Variants in PCDHA11 observed in about 807,000 individuals in gnomAD.
PCDHA11 encodes protocadherin alpha 11.
A neutral mutation model predicts 70.3 loss-of-function variants in PCDHA11; 61 were observed. The ratio of observed to expected loss-of-function variants is 0.87; its 90% CI spans 0.71 to 1.07. The LOEUF is 1.07. Ranked by LOEUF, PCDHA11 falls within the 50% of genes least tolerant of loss-of-function variation. The pLI is 0.00. For missense variants in PCDHA11, 1,324 were observed against 1,237.5 expected, an observed-to-expected ratio of 1.07 and a Z score of -1.05; for synonymous variants, 633 against 555.1, an observed-to-expected ratio of 1.14 and a Z score of -1.97.
rs372392810 is a variant in PCDHA11, at chr5:140,953,521, C to T, written c.2392-25428C>T. On this transcript the variant is annotated intron_variant, in intron 1 of 3. Coordinates refer to ENST00000398640, the MANE Select transcript of PCDHA11 (RefSeq NM_018902.5). Reference sequence around the variant, plus strand: ...AGCTATTAGGCCAAAGCAACAAAAACGGGAAACTCACTTCATGCTGATTCT... The same window carrying T: ...AGCTATTAGGCCAAAGCAACAAAAATGGGAAACTCACTTCATGCTGATTCT... 2.0e-5 allele frequency among the ~76,000 whole-genome samples: 3 copies of T among 152,230 alleles called. No individual in the cohort carries two copies. In the East Asian group the frequency reaches 5.8e-4, roughly 29 times the overall value.
Position 141,009,792 on chromosome 5 carries a change from C to T in PCDHA11, c.2705C>T (p.Pro902Leu). Residue 902 changes from proline (P) to leucine (L), a missense_variant, in exon 4 of 4, where the codon CCT (proline) becomes CTT (leucine). Physicochemically the swap from Pro to Leu is moderately conservative, Grantham distance 98. Transcript: ENST00000398640. ...GCAATCATCTCCATCCGGCAGGAGC[C>T]TACTAACAGCCAAATTGACAAAAGT... ...SPAIISIRQEPTNSQIDKSDF... is the reference protein window; with the variant it reads ...SPAIISIRQELTNSQIDKSDF... 1 of 1,614,068 alleles carries T rather than the reference C, an allele frequency of 6.2e-7. No individual in the cohort carries two copies. The highest frequency in any genetic ancestry group is 8.5e-7 in the Non-Finnish European group (1 of 1,180,026).
intron 1 of PCDHA11, chr5:140,884,401 G>T (rs781854362): frequency 3.1e-6 from 5 of 1,613,996 alleles, no homozygotes; most frequent in Non-Finnish European, 4.2e-6. Flanking sequence ...CCAGCCTGTT[G>T]GTGCTCACGT....
At position 140,978,933 on chromosome 5, in the gene PCDHA11, C is replaced by CT. The variant is rs1179085898; in HGVS notation, c.2392-13dup. The stretch of plus-strand genomic sequence containing the variant: ...TCTTGTCATTTTAACAGAAAACTCT[C>CT]TTTGTGATTTTGCAGCCACGACAGC... On this transcript the variant is annotated splice_polypyrimidine_tract_variant and intron_variant, in intron 1 of 3. Coordinates refer to ENST00000398640, the MANE Select transcript of PCDHA11 (RefSeq NM_018902.5). 8 of 1,613,976 alleles carry CT rather than the reference C, an allele frequency of 5.0e-6. No homozygotes were observed. The highest frequency in any genetic ancestry group is 1.7e-5 in the Admixed American group (1 of 59,984).
chr5:140,924,785 C>G (rs2082005933), intron 1 of PCDHA11, among the ~76,000 whole-genome samples: 1 of 151,704 alleles, frequency 6.6e-6, no homozygotes, highest in African/African-American at 2.4e-5. Context: ...GTCCTAGCTA[C>G]TTAGGAGGCT....
At chr5:140,915,840 G>C (rs1554197129) in intron 1 of PCDHA11, among the ~76,000 whole-genome samples, 1 of 152,142 alleles carries the variant, frequency 6.6e-6, no homozygotes, top group African/African-American at 2.4e-5. Context: ...AGATCAGCAG[G>C]GGGTGACACC....
intron 1 of PCDHA11, among the ~76,000 whole-genome samples, chr5:140,904,941 G>A (rs782716792): frequency 7.2e-5 from 11 of 152,102 alleles, no homozygotes; most frequent in Admixed American, 3.9e-4. Context: ...CTGGATATTA[G>A]TCCTTTGTCT....
At chr5:140,963,210 C>T (rs1200019403) in intron 1 of PCDHA11, among the ~76,000 whole-genome samples, 1 of 151,742 alleles carries the variant, frequency 6.6e-6, no homozygotes, top group East Asian at 1.9e-4. Flanking sequence ...AAAAAAACCT[C>T]GTGTTTAGAG....
intron 1 of PCDHA11, among the ~76,000 whole-genome samples, chr5:140,899,416 G>T (rs1442946841): frequency 6.6e-6 from 1 of 152,148 alleles, no homozygotes; most frequent in Admixed American, 6.5e-5. Flanking sequence ...GTTGAATTTT[G>T]TCAAAGGTCT....
intron 1 of PCDHA11, among the ~76,000 whole-genome samples, chr5:140,901,970 G>T (rs1178784932): frequency 1.3e-5 from 2 of 151,954 alleles, no homozygotes; most frequent in Non-Finnish European, 2.9e-5. Context: ...TCGTAAATGG[G>T]ATTACTTTTT....
chr5:140,924,531 G>A (rs1194516404), intron 1 of PCDHA11, among the ~76,000 whole-genome samples: 2 of 152,070 alleles, frequency 1.3e-5, no homozygotes, highest in African/African-American at 2.4e-5. Flanking sequence ...GAGAATGCCC[G>A]AGCTACCCCT....
chr5:140,998,438 A>T (rs114296649), intron 3 of PCDHA11, among the ~76,000 whole-genome samples: 1,585 of 152,188 alleles, frequency 0.01, 12 homozygotes, highest in Middle Eastern at 0.058. Flanking sequence ...TAACACTATT[A>T]TTGTATTTAT....
At chr5:140,971,034 A>G (rs576529050) in intron 1 of PCDHA11, among the ~76,000 whole-genome samples, 1 of 152,202 alleles carries the variant, frequency 6.6e-6, no homozygotes, top group Non-Finnish European at 1.5e-5. Context: ...ATTTGAAAGC[A>G]CGTAAAAGGG....
At chr5:140,905,116 C>A (rs570992369) in intron 1 of PCDHA11, among the ~76,000 whole-genome samples, 1 of 152,282 alleles carries the variant, frequency 6.6e-6, no homozygotes, top group Non-Finnish European at 1.5e-5. Context: ...TTGCCTAAGC[C>A]AATGTCTAGA....
At position 140,878,750 on chromosome 5, in the gene PCDHA11, T is replaced by A. The variant is rs143616284; in HGVS notation, c.2391+7256T>A. ...AGCCTTATATCTACTTTCTTACATATCTTTAGTTTAGGATCTGGAATATAG... is the reference window on the plus strand; with the variant it reads ...AGCCTTATATCTACTTTCTTACATAACTTTAGTTTAGGATCTGGAATATAG... On this transcript the variant is annotated intron_variant, in intron 1 of 3. Coordinates refer to ENST00000398640, the MANE Select transcript of PCDHA11 (RefSeq NM_018902.5). Among the ~76,000 whole-genome samples, 863 of 152,338 alleles carry A rather than the reference T, an allele frequency of 5.7e-3. 5 individuals are homozygous for A. Among genetic ancestry groups the A allele is most frequent in the Middle Eastern group, 0.014 (4 of 294 alleles).
intron 1 of PCDHA11, among the ~76,000 whole-genome samples, chr5:140,972,288 C>T (rs1263314074): frequency 2.0e-5 from 3 of 150,942 alleles, no homozygotes; most frequent in African/African-American, 4.9e-5. Context: ...CATAGATGTG[C>T]GCCACCGTGT....
chr5:140,935,765 A>G (rs1554210670), intron 1 of PCDHA11, among the ~76,000 whole-genome samples: 1 of 152,080 alleles, frequency 6.6e-6, no homozygotes, highest in Non-Finnish European at 1.5e-5. Flanking sequence ...ATTCTTCCCC[A>G]CTTTGAGTTT....
chr5:140,960,258 T>G (rs551623092), intron 1 of PCDHA11, among the ~76,000 whole-genome samples: 1 of 152,248 alleles, frequency 6.6e-6, no homozygotes, highest in Non-Finnish European at 1.5e-5. Context: ...CTGGAGCTTC[T>G]GATAAATTCC....
intron 1 of PCDHA11, among the ~76,000 whole-genome samples, chr5:140,960,397 G>C (rs1322659184): frequency 6.6e-6 from 1 of 152,102 alleles, no homozygotes; most frequent in African/African-American, 2.4e-5. Flanking sequence ...AGGATGCAAG[G>C]GGGGGTGCCC....
At chr5:140,941,210 T>TCTTC (rs1480454721) in intron 1 of PCDHA11, among the ~76,000 whole-genome samples, 3 of 100,630 alleles carry the variant, frequency 3.0e-5, no homozygotes, top group Non-Finnish European at 5.7e-5. Context: ...TTCCTTTCTT[T>TCTTC]CTTCCTTTCT....
Sources: allele counts gnomAD v4.1 joint callset (sites outside exome capture counted in the v4.1 genomes callset), GRCh38; gene constraint gnomAD v4.1.1; transcripts MANE v1.5; gene names NCBI Gene and HGNC (gene_info 2026-07-23, HGNC 2026-07-21).